ITGAV: variants seen among roughly 807,000 people sequenced by gnomAD.
The protein encoded by ITGAV is integrin subunit alpha V.
In ITGAV, 76 loss-of-function variants were observed where a neutral mutation model predicts 143.8. The observed-to-expected ratio is 0.53, with a 90% CI of 0.44 to 0.64. The LOEUF is 0.64. ITGAV is among the 30% of genes least tolerant of loss of function. The probability of loss-of-function intolerance (pLI) is 0.00; values close to 1 mark genes in which losing one functional copy is unlikely to be tolerated. For missense variants in ITGAV, 1,193 were observed against 1,274.7 expected (o/e 0.94, Z 0.98); for synonymous variants, 453 against 446.7 (o/e 1.01, Z -0.18).
At chr2:186,590,593 A>G (rs566138200) in intron 1 of ITGAV, 70 bp downstream of exon 1, 35 of 1,377,670 alleles carry the variant, frequency 2.5e-5, no homozygotes, top group Admixed American at 2.4e-4. Flanking sequence ...GCGTTTCTCC[A>G]TTGGGATTGA....
At chr2:186,658,052 A>G (rs867707721) in intron 17 of ITGAV, among the ~76,000 whole-genome samples, 2 of 152,272 alleles carry the variant, frequency 1.3e-5, no homozygotes, top group African/African-American at 2.4e-5. Context: ...ATTTCATTCT[A>G]GTCTTACAAT....
At chr2:186,622,221 G>A (rs1687547484) in intron 2 of ITGAV, 118 bp from the exon 3 acceptor site, 2 of 674,236 alleles carry the variant, frequency 3.0e-6, no homozygotes, top group Non-Finnish European at 5.1e-6. Context: ...AAAATAACCA[G>A]TGGAATATTT....
At chr2:186,669,873 T>C in intron 26 of ITGAV, 59 bp downstream of exon 26, 1 of 1,119,968 alleles carries the variant, frequency 8.9e-7, no homozygotes, top group Non-Finnish European at 1.3e-6. Context: ...ACTATAGAAC[T>C]GACGCCAAAG....
intron 1 of ITGAV, among the ~76,000 whole-genome samples, chr2:186,591,715 C>T (rs1686620933): frequency 6.6e-6 from 1 of 152,140 alleles, no homozygotes. Flanking sequence ...TACTGAGTAT[C>T]ATTCATTTTG....
At chr2:186,658,232 CA>C (rs553224814) in intron 17 of ITGAV, among the ~76,000 whole-genome samples, 15 of 151,848 alleles carry the variant, frequency 9.9e-5, no homozygotes, top group African/African-American at 3.6e-4. Context: ...TTTTTAAGTG[CA>C]AAAAAGGTTT....
Position 186,602,110 on chromosome 2 carries a change from C to G in ITGAV, c.275C>G (p.Ser92Cys). Residue 92 changes from serine to cysteine, a missense_variant, in exon 2 of 30, where the codon TCT (serine) becomes TGT (cysteine). Coordinates refer to ENST00000261023, the MANE Select transcript of ITGAV (RefSeq NM_002210.5). ...EGGQVLKCDW[S>C]STRRCQPIEF... The stretch of plus-strand genomic sequence containing the variant: ...GGGCAGGTCCTCAAATGTGACTGGT[C>G]TTCTACCCGCCGGTGCCAGCCAATT... 6.2e-7 allele frequency: 1 copy of G among 1,612,222 alleles called. No individual in the cohort carries two copies. Among genetic ancestry groups the G allele is most frequent in the Non-Finnish European group, 8.5e-7 (1 of 1,178,884 alleles).
intron 5 of ITGAV, among the ~76,000 whole-genome samples, chr2:186,632,936 G>A (rs1687851854): frequency 6.6e-6 from 1 of 151,820 alleles, no homozygotes. Flanking sequence ...CACTGAAACT[G>A]AGTTAGATGA....
At chr2:186,641,619 C>T (rs201928348) in intron 12 of ITGAV, 31 bp downstream of exon 12, 23 of 1,575,514 alleles carry the variant, frequency 1.5e-5, no homozygotes, top group Non-Finnish European at 2.0e-5. Flanking sequence ...CTACAGGTCC[C>T]TGATTATCTG....
chr2:186,648,176 CT>C (rs1688314811), intron 13 of ITGAV, among the ~76,000 whole-genome samples: 1 of 151,920 alleles, frequency 6.6e-6, no homozygotes, highest in African/African-American at 2.4e-5. Context: ...GCATTTTTAT[CT>C]TTCTTTATAA....
At chr2:186,634,144 T>G (rs1199019370) in intron 6 of ITGAV, among the ~76,000 whole-genome samples, 2 of 152,222 alleles carry the variant, frequency 1.3e-5, no homozygotes, top group Non-Finnish European at 2.9e-5. Flanking sequence ...CTGGGAGGCC[T>G]AATTAAATTA....
Position 186,622,330 on chromosome 2 carries a change from C to A in ITGAV, c.317-9C>A, listed in dbSNP as rs113969877. ...TTTGTGTCTTACCACTCACAATATT[C>A]TTTTTTAGGCAATAGAGATTATGCC... On this transcript the variant is annotated splice_polypyrimidine_tract_variant and intron_variant, in intron 2 of 29. Transcript: ENST00000261023. The A allele has an allele frequency of 1.1e-5, 18 of 1,591,670 alleles. No individual in the cohort carries two copies. In the East Asian group the frequency reaches 4.0e-4, roughly 36 times the overall value.
chr2:186,665,317 C>T, intron 21 of ITGAV, 99 bp downstream of exon 21: 1 of 755,484 alleles, frequency 1.3e-6, no homozygotes, highest in Non-Finnish European at 2.2e-6. Flanking sequence ...CACTTCAAAA[C>T]AATGTCCTTA....
intron 19 of ITGAV, 69 bp from the exon 20 acceptor site, chr2:186,664,425 C>T: frequency 6.9e-7 from 1 of 1,454,300 alleles, no homozygotes; most frequent in East Asian, 2.3e-5. Flanking sequence ...TCTCTTCTTT[C>T]TTTGAACAGT....
chr2:186,644,701 A>G (rs933443704), intron 12 of ITGAV, among the ~76,000 whole-genome samples: 1 of 152,072 alleles, frequency 6.6e-6, no homozygotes, highest in African/African-American at 2.4e-5. Flanking sequence ...AGGATAACAA[A>G]TTCTTAGTTG....
chr2:186,676,438 C>T (rs1292280720), intron 28 of ITGAV, among the ~76,000 whole-genome samples: 3 of 152,052 alleles, frequency 2.0e-5, no homozygotes, highest in South Asian at 2.1e-4. Flanking sequence ...CCCTTCTCTA[C>T]GAAAAATACA....
intron 4 of ITGAV, among the ~76,000 whole-genome samples, chr2:186,627,311 T>A (rs1252639944): frequency 6.6e-6 from 1 of 152,228 alleles, no homozygotes; most frequent in African/African-American, 2.4e-5. Context: ...AAATGAGGAT[T>A]TAAACCCAAG....
chr2:186,631,078 C>G (rs926478848), intron 5 of ITGAV, among the ~76,000 whole-genome samples: 9 of 152,092 alleles, frequency 5.9e-5, no homozygotes, highest in African/African-American at 1.9e-4. Context: ...CCCCATCACT[C>G]TGGGAATGGA....
At chr2:186,613,398 A>T (rs556461444) in intron 2 of ITGAV, among the ~76,000 whole-genome samples, 1 of 152,088 alleles carries the variant, frequency 6.6e-6, no homozygotes, top group African/African-American at 2.4e-5. Flanking sequence ...ATGAATACCA[A>T]TCCCAGTGAA....
intron 1 of ITGAV, among the ~76,000 whole-genome samples, chr2:186,593,508 A>G (rs1429174349): frequency 6.6e-6 from 1 of 152,154 alleles, no homozygotes; most frequent in Non-Finnish European, 1.5e-5. Flanking sequence ...TAAAACTTAC[A>G]TAAAATTTAA....
Sources: gnomAD v4.1 joint callset for allele counts (sites outside exome capture counted in the v4.1 genomes callset) on GRCh38, gnomAD v4.1.1 for gene constraint, MANE v1.5 for transcripts, NCBI Gene and HGNC (gene_info 2026-07-23, HGNC 2026-07-21) for gene names.